RNF6: variants seen among roughly 807,000 people sequenced by gnomAD.
RNF6 encodes the protein ring finger protein 6.
A neutral mutation model predicts 50.1 loss-of-function variants in RNF6; 21 were observed. The ratio of observed to expected loss-of-function variants is 0.42; its 90% CI spans 0.30 to 0.60. The LOEUF (loss-of-function observed/expected upper bound fraction) is 0.60, where lower values mean the gene tolerates loss of function less well. Ranked by LOEUF, RNF6 falls within the 20% of genes least tolerant of loss-of-function variation. RNF6 has a pLI of 0.20. For synonymous variants in RNF6, 255 were observed against 291.8 expected, an observed-to-expected ratio of 0.87 and a Z score of 1.29; for missense variants, 698 against 838.2, an observed-to-expected ratio of 0.83 and a Z score of 2.07.
intron 5 of RNF6, among the ~76,000 whole-genome samples, chr13:26,155,703 G>A (rs1871883997): frequency 6.6e-6 from 1 of 152,198 alleles, no homozygotes; most frequent in African/African-American, 2.4e-5. Context: ...TAGGAAAAGG[G>A]TGAGAACAAC....
chr13:26,216,729 C>A (rs1249940850), intron 4 of RNF6, among the ~76,000 whole-genome samples: 1 of 152,112 alleles, frequency 6.6e-6, no homozygotes, highest in Non-Finnish European at 1.5e-5. Context: ...CCAAGGCAGG[C>A]AGATCATGAA....
At chr13:26,183,123 T>C (rs1038188880) in intron 5 of RNF6, among the ~76,000 whole-genome samples, 2 of 152,212 alleles carry the variant, frequency 1.3e-5, no homozygotes, top group Non-Finnish European at 2.9e-5. Context: ...CACTGAACTA[T>C]TCAAGTCAAA....
chr13:26,215,677 T>C (rs1005847149), intron 4 of RNF6, 85 bp from the exon 5 acceptor site: 1 of 1,166,710 alleles, frequency 8.6e-7, no homozygotes, highest in Non-Finnish European at 1.2e-6. Flanking sequence ...AAAACAAAGT[T>C]TGTAATAAAT....
At chr13:26,147,190 G>A (rs142921225) in intron 5 of RNF6, among the ~76,000 whole-genome samples, 3 of 152,254 alleles carry the variant, frequency 2.0e-5, no homozygotes, top group Non-Finnish European at 2.9e-5. Context: ...CTTTCTGCCT[G>A]TGCATATTAG....
chr13:26,173,084 C>T (rs1055619665), intron 5 of RNF6, among the ~76,000 whole-genome samples: 1 of 152,130 alleles, frequency 6.6e-6, no homozygotes, highest in African/African-American at 2.4e-5. Context: ...GAGGACAATG[C>T]CAAAGATTGG....
chr13:26,219,367 C>G, intron 3 of RNF6, 90 bp downstream of exon 3: 1 of 1,099,666 alleles, frequency 9.1e-7, no homozygotes, highest in Non-Finnish European at 1.3e-6. Flanking sequence ...TAAAGAGAAG[C>G]AAGGAAAAAG....
At chr13:26,171,463 G>T (rs183574408) in intron 5 of RNF6, among the ~76,000 whole-genome samples, 44 of 152,282 alleles carry the variant, frequency 2.9e-4, no homozygotes, top group African/African-American at 1.0e-3. Context: ...GTAAAATAGT[G>T]CAGCTTCTGT....
At chr13:26,209,403 C>T (rs946935889), downstream of RNF6, among the ~76,000 whole-genome samples, 7 of 152,234 alleles carry the variant, frequency 4.6e-5, no homozygotes, top group Non-Finnish European at 1.0e-4. Flanking sequence ...GCGAGATATG[C>T]TATTATATAA....
chr13:26,171,311 A>G (rs1023610197), intron 5 of RNF6, among the ~76,000 whole-genome samples: 1 of 152,228 alleles, frequency 6.6e-6, no homozygotes, highest in Admixed American at 6.5e-5. Context: ...ATCAGTAGTC[A>G]TTAGGGAAGC....
At chr13:26,155,462 T>A (rs1275252505) in intron 5 of RNF6, among the ~76,000 whole-genome samples, 1 of 151,400 alleles carries the variant, frequency 6.6e-6, no homozygotes, top group Admixed American at 6.6e-5. Context: ...TGAAGTGGGG[T>A]GGAGGATGGG....
At chr13:26,191,820 A>G (rs1868476521) in intron 5 of RNF6, among the ~76,000 whole-genome samples, 1 of 152,218 alleles carries the variant, frequency 6.6e-6, no homozygotes, top group Admixed American at 6.5e-5. Flanking sequence ...GGAGGAATAA[A>G]AGCAGGGAAG....
rs1873397063 is a variant in RNF6, at chr13:26,184,082, A to G, written n.768+31392T>C. On this transcript the variant is annotated intron_variant and non_coding_transcript_variant, in intron 5 of 5. Transcript: ENST00000468480. ...CGCTCTGTTGCTCAGGCTGGAGTGC[A>G]GTGACACGATCTCGGCTCACTGCAA... 2.3e-5 allele frequency among the ~76,000 whole-genome samples: 3 copies of G among 133,030 alleles called. No individual in the cohort carries two copies. The South Asian group carries it at 7.0e-4, about 31-fold the overall frequency. 87.3% of individuals were successfully genotyped at this position (133,030 alleles called of 152,430 possible). A position where few individuals can be genotyped will look rare whatever the true frequency, so the allele number is the denominator to read the frequency against.
chr13:26,137,036 T>C (rs962306437), intron 5 of RNF6, among the ~76,000 whole-genome samples: 7 of 152,290 alleles, frequency 4.6e-5, no homozygotes, highest in Middle Eastern at 3.4e-3. Flanking sequence ...CACATTCTCA[T>C]TACTGAGGAA....
chr13:26,188,021 T>A (rs533004143), intron 5 of RNF6, among the ~76,000 whole-genome samples: 1 of 152,248 alleles, frequency 6.6e-6, no homozygotes, highest in African/African-American at 2.4e-5. Context: ...AGTTTCATCA[T>A]CTGGGTGAAA....
At chr13:26,170,371 G>A (rs1872641191) in intron 5 of RNF6, among the ~76,000 whole-genome samples, 1 of 152,164 alleles carries the variant, frequency 6.6e-6, no homozygotes, top group South Asian at 2.1e-4. Context: ...CCCCTGACTC[G>A]TTGACGGTCC....
At chr13:26,206,119 C>T (rs1304200213) in intron 5 of RNF6, among the ~76,000 whole-genome samples, 2 of 152,204 alleles carry the variant, frequency 1.3e-5, no homozygotes, top group African/African-American at 4.8e-5. Context: ...TTGCTCTGCC[C>T]ACAGTCAGAA....
intron 5 of RNF6, among the ~76,000 whole-genome samples, chr13:26,199,160 G>T (rs755747356): frequency 8.7e-5 from 13 of 150,082 alleles, no homozygotes; most frequent in Non-Finnish European, 1.9e-4. Flanking sequence ...AGGACCTAGG[G>T]CAGTCAAAAT....
At chr13:26,192,593 A>G (rs1022822679) in intron 5 of RNF6, among the ~76,000 whole-genome samples, 1 of 152,220 alleles carries the variant, frequency 6.6e-6, no homozygotes, top group Non-Finnish European at 1.5e-5. Flanking sequence ...TACATCTGTC[A>G]TACTAGCAGA....
chr13:26,162,430 G>A (rs567294495), intron 5 of RNF6, among the ~76,000 whole-genome samples: 1 of 152,304 alleles, frequency 6.6e-6, no homozygotes, highest in African/African-American at 2.4e-5. Flanking sequence ...GACCCTGTAT[G>A]GCATGTGCTG....
Sources: gnomAD v4.1 joint callset for allele counts (sites outside exome capture counted in the v4.1 genomes callset) on GRCh38, gnomAD v4.1.1 for gene constraint, MANE v1.5 for transcripts, NCBI Gene and HGNC (gene_info 2026-07-23, HGNC 2026-07-21) for gene names.